Variants in ERG observed in about 807,000 individuals in gnomAD.
The protein encoded by ERG is transcriptional regulator ERG.
In ERG, 9 loss-of-function variants were observed where a neutral mutation model predicts 55.3. The ratio of observed to expected loss-of-function variants is 0.16; its 90% CI spans 0.10 to 0.28. The LOEUF (loss-of-function observed/expected upper bound fraction) is 0.28, where lower values mean the gene tolerates loss of function less well. ERG is among the 10% of genes least tolerant of loss of function. The pLI is 1.00. For missense variants in ERG, 434 were observed against 631.6 expected, an observed-to-expected ratio of 0.69 and a Z score of 3.35; for synonymous variants, 223 against 237.3, an observed-to-expected ratio of 0.94 and a Z score of 0.55.
chr21:38,613,627 GT>G (rs944548518), intron 1 of ERG, among the ~76,000 whole-genome samples: 16 of 152,196 alleles, frequency 1.1e-4, no homozygotes, highest in African/African-American at 3.6e-4. Context: ...TTCTGCCTCA[GT>G]TTTTTCCCCC....
chr21:38,582,900 C>T (rs2060039032), intron 1 of ERG, among the ~76,000 whole-genome samples: 1 of 152,106 alleles, frequency 6.6e-6, no homozygotes, highest in African/African-American at 2.4e-5. Context: ...GCACGTGCTA[C>T]CATGGCTGGC....
At chr21:38,470,412 T>C (rs921597414) in intron 1 of ERG, among the ~76,000 whole-genome samples, 4 of 152,234 alleles carry the variant, frequency 2.6e-5, no homozygotes, top group African/African-American at 9.6e-5. Context: ...TAGCTTTGTC[T>C]AATCTGCCAA....
At chr21:38,586,786 A>C (rs1225555523), upstream of ERG, among the ~76,000 whole-genome samples, 1 of 152,260 alleles carries the variant, frequency 6.6e-6, no homozygotes, top group African/African-American at 2.4e-5. Context: ...CTCTGGAGAT[A>C]GATCCAAAGA....
At chr21:38,552,707 C>T (rs1185709430) in intron 2 of ERG, among the ~76,000 whole-genome samples, 1 of 109,168 alleles carries the variant, frequency 9.2e-6, no homozygotes, top group East Asian at 2.0e-4. Context: ...CCATCTATGA[C>T]AAACCCACAG....
At chr21:38,532,808 AT>A (rs926563151) in intron 2 of ERG, among the ~76,000 whole-genome samples, 1 of 152,210 alleles carries the variant, frequency 6.6e-6, no homozygotes, top group African/African-American at 2.4e-5. Flanking sequence ...TGATGTTCTC[AT>A]CGGTGATTTA....
rs186732615 is a variant in ERG, at chr21:38,610,132, C to T, written c.-149-25187G>A. Among the ~76,000 whole-genome samples the T allele has an allele frequency of 1.4e-3, 214 of 152,284 alleles. 1 individual carries two copies. Among genetic ancestry groups the T allele is most frequent in the African/African-American group, 4.5e-3 (187 of 41,552 alleles). On this transcript the variant is annotated intron_variant, in intron 1 of 10. Coordinates refer to the ERG transcript ENST00000398910. Reference sequence around the variant, plus strand: ...GGTTCTTTGCAATTTAACATAGCAACGCTGCGATCACTATTCAAACACACA... The same window carrying T: ...GGTTCTTTGCAATTTAACATAGCAATGCTGCGATCACTATTCAAACACACA...
intron 2 of ERG, among the ~76,000 whole-genome samples, chr21:38,511,047 G>A (rs1191806807): frequency 6.6e-6 from 1 of 152,210 alleles, no homozygotes; most frequent in Non-Finnish European, 1.5e-5. Context: ...TAGACTGCTT[G>A]TAAATGTAAG....
At position 38,389,102 on chromosome 21, in the gene ERG, A is replaced by C. The variant is rs138350226; in HGVS notation, c.919+1893T>G. On this transcript the variant is annotated intron_variant, in intron 9 of 9. Transcript: ENST00000288319. ...CTGCACCTAAGCAGTTATGACCCTG[A>C]AAGGAAATCCTTGCTTTCTATTCTC... Among the ~76,000 whole-genome samples, 7 of 152,300 alleles carry C rather than the reference A, an allele frequency of 4.6e-5. No individual in the cohort carries two copies. In the East Asian group the frequency reaches 1.3e-3, roughly 29 times the overall value.
intron 1 of ERG, among the ~76,000 whole-genome samples, chr21:38,591,779 C>T (rs1227964472): frequency 6.6e-6 from 1 of 152,224 alleles, no homozygotes; most frequent in Non-Finnish European, 1.5e-5. Flanking sequence ...CCAACATTTG[C>T]TGGGCACTTA....
chr21:38,370,860 C>T, the ERG span, among the ~76,000 whole-genome samples: 2 of 151,726 alleles, frequency 1.3e-5, no homozygotes, highest in South Asian at 4.2e-4. Flanking sequence ...AAAAACACAA[C>T]ACATGTGCTG....
chr21:38,483,819 A>G (rs933599206), intron 1 of ERG, among the ~76,000 whole-genome samples: 1 of 152,150 alleles, frequency 6.6e-6, no homozygotes, highest in Non-Finnish European at 1.5e-5. Context: ...GTGAGCCAAG[A>G]TTGCACCACA....
intron 1 of ERG, among the ~76,000 whole-genome samples, chr21:38,476,210 G>C (rs952286050): frequency 1.3e-5 from 2 of 151,886 alleles, no homozygotes; most frequent in African/African-American, 4.8e-5. Flanking sequence ...AAATCTGAAC[G>C]TAGTACGTTA....
chr21:38,380,130 T>G lies in ERG; in HGVS notation c.*3273A>C, dbSNP rs1987358140. On this transcript the variant is annotated 3_prime_UTR_variant, in exon 10 of 10. Transcript: ENST00000288319. ...TGAGAAGCTAAATAAACTAGCTTTT[T>G]AAAAAATATTTTCTTCTCTTTCTCC... The G allele has an allele frequency of 9.7e-7, 1 of 1,033,618 alleles. No homozygotes were observed. The highest frequency in any genetic ancestry group is 5.7e-5 in the Admixed American group (1 of 17,512). 64.0% of individuals were successfully genotyped at this position (1,033,618 alleles called of 1,614,324 possible).
intron 1 of ERG, among the ~76,000 whole-genome samples, chr21:38,582,724 G>A (rs568093131): frequency 6.6e-6 from 1 of 152,198 alleles, no homozygotes; most frequent in East Asian, 1.9e-4. Flanking sequence ...TCAAATGGAC[G>A]ATTTTGATAC....
At chr21:38,432,894 TG>T (rs1990283745) in intron 2 of ERG, among the ~76,000 whole-genome samples, 1 of 152,160 alleles carries the variant, frequency 6.6e-6, no homozygotes, top group African/African-American at 2.4e-5. Flanking sequence ...CACCATTGAA[TG>T]GATCCTCAGA....
At position 38,609,361 on chromosome 21, in the gene ERG, C is replaced by G. The variant is rs76556733; in HGVS notation, c.-149-24416G>C. Among the ~76,000 whole-genome samples, 1,271 of 151,900 alleles carry G rather than the reference C, an allele frequency of 8.4e-3. 17 individuals carry two copies. The highest frequency in any genetic ancestry group is 0.028 in the African/African-American group (1,177 of 41,404). On this transcript the variant is annotated intron_variant, in intron 1 of 10. Transcript: ENST00000398910. The stretch of plus-strand genomic sequence containing the variant: ...TTTCTAAAAACGACATAGTAAATCC[C>G]AAAGAAAGTATCCACAAATTTCAAA...
intron 1 of ERG, among the ~76,000 whole-genome samples, chr21:38,486,057 C>T (rs1601116795): frequency 6.6e-6 from 1 of 152,016 alleles, no homozygotes; most frequent in Non-Finnish European, 1.5e-5. Flanking sequence ...CCTCAGCCTC[C>T]TGAGTAGCTG....
At chr21:38,561,867 A>C (rs1472328550) in intron 2 of ERG, among the ~76,000 whole-genome samples, 2 of 152,258 alleles carry the variant, frequency 1.3e-5, no homozygotes, top group Non-Finnish European at 1.5e-5. Flanking sequence ...TCACTAACTA[A>C]TAGCCATGCT....
chr21:38,501,973 A>G (rs1217964164), upstream of ERG, among the ~76,000 whole-genome samples: 1 of 152,256 alleles, frequency 6.6e-6, no homozygotes, highest in African/African-American at 2.4e-5. Flanking sequence ...AGATCGAACA[A>G]GTTCTCATTC....
Sources: gnomAD v4.1 joint callset for allele counts (sites outside exome capture counted in the v4.1 genomes callset) on GRCh38, gnomAD v4.1.1 for gene constraint, MANE v1.5 for transcripts, NCBI Gene and HGNC (gene_info 2026-07-23, HGNC 2026-07-21) for gene names.